NCOR2: variants seen among roughly 807,000 people sequenced by gnomAD.
The protein encoded by NCOR2 is CTG repeat protein 26.
In NCOR2, 81 loss-of-function variants were observed where a neutral mutation model predicts 262.9. The observed-to-expected ratio is 0.31, with a 90% CI of 0.26 to 0.37. The LOEUF (loss-of-function observed/expected upper bound fraction) is 0.37, where lower values mean the gene tolerates loss of function less well. NCOR2 is among the 10% of genes least tolerant of loss of function. The probability of loss-of-function intolerance (pLI) is 1.00; values close to 1 mark genes in which losing one functional copy is unlikely to be tolerated. For missense variants in NCOR2, 3,385 were observed against 3,621.4 expected, an observed-to-expected ratio of 0.93 and a Z score of 1.68; for synonymous variants, 1,659 against 1,559.3, an observed-to-expected ratio of 1.06 and a Z score of -1.51.
chr12:124,348,354 G>C (rs775128650), intron 28 of NCOR2, 40 bp from the exon 31 acceptor site: 5 of 1,569,364 alleles, frequency 3.2e-6, no homozygotes, highest in Non-Finnish European at 4.3e-6. Flanking sequence ...AGCTGGGCAC[G>C]GGCCCAGGAC....
Position 124,548,777 on chromosome 12 carries a change from T to C in NCOR2, c.-164-13166A>G, listed in dbSNP as rs190625555. On this transcript the variant is annotated intron_variant, in intron 1 of 32. Coordinates refer to the NCOR2 transcript ENST00000458234. The surrounding 1 kb of genome is among the most constrained non-coding windows in gnomAD (Gnocchi z 5.1). ...CCTACTCCATAAAAGTCACCCTCCC[T>C]ACACAGTTTTCAAATGACCTGGCCA... is the stretch of plus-strand genomic sequence containing the variant. 2.1e-3 allele frequency among the ~76,000 whole-genome samples: 313 copies of C among 152,180 alleles called. 2 individuals are homozygous for C. Among genetic ancestry groups the C allele is most frequent in the Middle Eastern group, 3.4e-3 (1 of 294 alleles).
At chr12:124,349,255 C>T in intron 28 of NCOR2, among the ~76,000 whole-genome samples, 1 of 152,190 alleles carries the variant, frequency 6.6e-6, no homozygotes, top group East Asian at 1.9e-4. Flanking sequence ...GCCCATCTAG[C>T]CAGGGCTCTC....
At chr12:124,528,271 C>T (rs573658622) in intron 1 of NCOR2, among the ~76,000 whole-genome samples, 14 of 152,274 alleles carry the variant, frequency 9.2e-5, no homozygotes, top group South Asian at 2.1e-4. Flanking sequence ...GTACAATGAC[C>T]GGGCAGGCAT....
Position 124,517,900 on chromosome 12 carries a change from G to A in NCOR2, c.-118+17665C>T, listed in dbSNP as rs929653072. ...CGACAACACTGCGCTGCCAGGGGAG[G>A]GTCCAGCTGCCCCCATTGGCTGACC... On this transcript the variant is annotated intron_variant, in intron 1 of 46. Transcript: ENST00000404621. The surrounding 1 kb of genome is among the most constrained non-coding windows in gnomAD (Gnocchi z 7.6). Among the ~76,000 whole-genome samples the A allele has an allele frequency of 6.6e-6, 1 of 152,194 alleles. No homozygotes were observed. The highest frequency in any genetic ancestry group is 1.5e-5 in the Non-Finnish European group (1 of 68,044).
intron 34 of NCOR2, among the ~76,000 whole-genome samples, chr12:124,341,242 T>TC (rs1008449697): frequency 2.7e-5 from 4 of 150,658 alleles, no homozygotes; most frequent in African/African-American, 9.8e-5. Context: ...CACATTTTCA[T>TC]CTTTTTTTTT....
At chr12:124,445,060 C>T (rs1171007558) in intron 7 of NCOR2, among the ~76,000 whole-genome samples, 1 of 152,174 alleles carries the variant, frequency 6.6e-6, no homozygotes, top group Admixed American at 6.5e-5. Context: ...CCAAATGAGG[C>T]AGCAGGAGGG....
Position 124,340,285 on chromosome 12 carries a change from A to C in NCOR2, c.5488+9T>G. 1 of 1,609,800 alleles carries C rather than the reference A, an allele frequency of 6.2e-7. No individual in the cohort carries two copies. The highest frequency in any genetic ancestry group is 8.5e-7 in the Non-Finnish European group (1 of 1,179,298). ...CCCGGAGCGGGGGGTGGGGGCTCTGATGCCCTACCAGGTCTCCAGATGGGT... is the reference window on the plus strand; with the variant it reads ...CCCGGAGCGGGGGGTGGGGGCTCTGCTGCCCTACCAGGTCTCCAGATGGGT... On this transcript the variant is annotated intron_variant, in intron 36 of 46. Coordinates refer to ENST00000405201, the Ensembl canonical transcript of NCOR2.
intron 19 of NCOR2, among the ~76,000 whole-genome samples, chr12:124,373,915 G>A (rs901046524): frequency 6.6e-6 from 1 of 152,202 alleles, no homozygotes; most frequent in Admixed American, 6.5e-5. Flanking sequence ...CAGGGGCCCC[G>A]GGCACAGCCC....
intron 12 of NCOR2, 33 bp downstream of exon 14, chr12:124,422,468 G>C (rs375315620): frequency 1.2e-6 from 2 of 1,613,442 alleles, no homozygotes; most frequent in Admixed American, 3.3e-5. Flanking sequence ...CGGAGGTGGA[G>C]ACCGAAGGGG....
chr12:124,442,821 A>G (rs926292567), intron 7 of NCOR2, among the ~76,000 whole-genome samples: 1 of 152,220 alleles, frequency 6.6e-6, no homozygotes, highest in Admixed American at 6.5e-5. Context: ...GAATGAGGTT[A>G]CTGGGGTGGG....
chr12:124,382,701 T>A (rs2040498945), intron 17 of NCOR2, among the ~76,000 whole-genome samples: 1 of 152,200 alleles, frequency 6.6e-6, no homozygotes, highest in Admixed American at 6.5e-5. Context: ...CATCCATGTC[T>A]CTGCCCTCAG....
chr12:124,335,723 C>T (rs1207662566), intron 38 of NCOR2, 91 bp from the exon 41 acceptor site: 14 of 1,439,466 alleles, frequency 9.7e-6, no homozygotes, highest in Middle Eastern at 2.6e-4. Flanking sequence ...GCTGGGACCC[C>T]GGGGGGGTCA....
intron 1 of NCOR2, among the ~76,000 whole-genome samples, chr12:124,554,284 C>G (rs576958304): frequency 6.6e-6 from 1 of 152,360 alleles, no homozygotes. Flanking sequence ...AGCAATCTGG[C>G]AGTGGGGATG....
At chr12:124,422,870 C>T (rs902643273) in intron 11 of NCOR2, among the ~76,000 whole-genome samples, 1 of 143,894 alleles carries the variant, frequency 6.9e-6, no homozygotes, top group Non-Finnish European at 1.5e-5. Flanking sequence ...TGGTGGGGTT[C>T]CCCCCCCTTT....
intron 1 of NCOR2, among the ~76,000 whole-genome samples, chr12:124,515,732 A>T (rs1362970983): frequency 6.7e-6 from 1 of 149,332 alleles, no homozygotes; most frequent in Non-Finnish European, 1.5e-5. Flanking sequence ...GTGTATGTTC[A>T]CAAGTGTGCG....
intron 28 of NCOR2, among the ~76,000 whole-genome samples, chr12:124,350,004 A>G (rs925135146): frequency 1.5e-4 from 23 of 152,080 alleles, no homozygotes; most frequent in African/African-American, 5.3e-4. Flanking sequence ...GATGGAGGAG[A>G]GGCAATTCCG....
At chr12:124,428,108 G>A (rs1227936025) in intron 10 of NCOR2, among the ~76,000 whole-genome samples, 1 of 65,154 alleles carries the variant, frequency 1.5e-5, no homozygotes, top group Non-Finnish European at 4.4e-5. Context: ...AATCAGCCCA[G>A]GTGCCACACC....
At chr12:124,346,363 G>C (rs2036930344) in intron 31 of NCOR2, among the ~76,000 whole-genome samples, 2 of 152,056 alleles carry the variant, frequency 1.3e-5, no homozygotes, top group South Asian at 4.1e-4. Context: ...GAGTTCAGTA[G>C]AATCAGGTCA....
chr12:124,325,379 C>CTG (rs1555297230), exon 47 of NCOR2: 4 of 317,184 alleles, frequency 1.3e-5, no homozygotes, highest in Non-Finnish European at 2.1e-5. Flanking sequence ...CTGACACCGC[C>CTG]CCCCCCCCCG....
Sources: gnomAD v4.1 joint callset for allele counts (sites outside exome capture counted in the v4.1 genomes callset) on GRCh38, gnomAD v4.1.1 for gene constraint, Gnocchi (gnomAD v3.1) non-coding constraint, MANE v1.5 for transcripts, NCBI Gene and HGNC (gene_info 2026-07-23, HGNC 2026-07-21) for gene names.